Variants in RNF220 observed in about 807,000 individuals in gnomAD.
RNF220 encodes ring finger protein 220, also known as E3 ubiquitin-protein ligase RNF220.
RNF220 carries 7 observed loss-of-function variants against 67.1 expected under a neutral mutation model. The observed-to-expected ratio is 0.10, with a 90% CI of 0.06 to 0.20. The LOEUF (loss-of-function observed/expected upper bound fraction) is 0.20, where lower values mean the gene tolerates loss of function less well. Ranked by LOEUF, RNF220 falls within the 10% of genes least tolerant of loss-of-function variation. The pLI is 1.00. For synonymous variants in RNF220, 270 were observed against 283.2 expected (o/e 0.95, Z 0.47); for missense variants, 565 against 740.3 (o/e 0.76, Z 2.75).
intron 2 of RNF220, among the ~76,000 whole-genome samples, chr1:44,439,754 T>A (rs1383407394): frequency 6.6e-6 from 1 of 152,092 alleles, no homozygotes; most frequent in Non-Finnish European, 1.5e-5. Flanking sequence ...AGTCCCCAGT[T>A]TTGGAAAAAA....
intron 2 of RNF220, among the ~76,000 whole-genome samples, chr1:44,466,639 A>C (rs1654295670): frequency 6.6e-6 from 1 of 152,254 alleles, no homozygotes; most frequent in South Asian, 2.1e-4. Context: ...GCGGGCATGA[A>C]AACAACATTC....
chr1:44,408,462 C>T (rs913611797), intron 1 of RNF220, among the ~76,000 whole-genome samples: 11 of 152,156 alleles, frequency 7.2e-5, no homozygotes, highest in Admixed American at 3.9e-4. Context: ...ACCCCCTGGG[C>T]ATTTGGTGTG....
Position 44,649,767 on chromosome 1 carries a change from A to C in RNF220, c.1552A>C (p.Met518Leu), listed in dbSNP as rs761289656. The C allele has an allele frequency of 1.9e-6, 3 of 1,614,010 alleles. No homozygotes were observed. ...RGDRYKCLIC[M>L]DSYSMPLTSI... ...GGACCGTTACAAATGCCTCATCTGC[A>C]TGGTGAGTAGAAAAGAACCTAGGGG... The change falls in exon 13 of 15, where the codon ATG (methionine) becomes CTG (leucine). Residue 518 changes from methionine (M) to leucine (L), a missense_variant and splice_region_variant. Met to Leu is a conservative substitution (Grantham distance 15). Coordinates refer to ENST00000361799, the MANE Select transcript of RNF220 (RefSeq NM_018150.4). This position sits in a 1 kb window ranked among gnomAD's most constrained non-coding sequence, Gnocchi z 5.9.
At position 44,644,711 on chromosome 1, in the gene RNF220, C is replaced by G. The variant is rs746583462; in HGVS notation, c.1140C>G (p.Ile380Met). 1.1e-5 allele frequency: 17 copies of G among 1,613,998 alleles called. No homozygotes were observed. In the Middle Eastern group the frequency reaches 4.9e-4, roughly 47 times the overall value. ...LEGGFRGSGFIMCSGKENPDS... is the reference protein window; with the variant it reads ...LEGGFRGSGFMMCSGKENPDS... ...TGCTTCCCACAGGCTCTGGCTTCAT[C>G]ATGTGCAGCGGCAAAGAGAACCCGG... Residue 380 changes from isoleucine (I) to methionine (M), a missense_variant, in exon 9 of 15, where the codon ATC (isoleucine) becomes ATG (methionine). Transcript: ENST00000361799.
At chr1:44,480,274 G>T (rs984262620) in intron 2 of RNF220, among the ~76,000 whole-genome samples, 7 of 152,110 alleles carry the variant, frequency 4.6e-5, no homozygotes, top group Non-Finnish European at 8.8e-5. Flanking sequence ...AGGTGTGATG[G>T]TGCATGCCTG....
intron 4 of RNF220, among the ~76,000 whole-genome samples, chr1:44,623,062 G>T (rs1328182027): frequency 6.6e-6 from 1 of 152,184 alleles, no homozygotes; most frequent in Non-Finnish European, 1.5e-5. Context: ...AGAATGGCCT[G>T]GGAGATGTGG....
chr1:44,649,477 G>C lies in RNF220; in HGVS notation c.1446-184G>C, dbSNP rs3738733. ...TCATCCGAATGGGAATGGAGGAATAGAGAGGGTGAGGAGTTTAGTTCTGGA... is the reference window on the plus strand; with the variant it reads ...TCATCCGAATGGGAATGGAGGAATACAGAGGGTGAGGAGTTTAGTTCTGGA... On this transcript the variant is annotated intron_variant, in intron 12 of 14. Coordinates refer to ENST00000361799, the MANE Select transcript of RNF220 (RefSeq NM_018150.4). The surrounding 1 kb of genome is among the most constrained non-coding windows in gnomAD (Gnocchi z 5.9). 0.021 allele frequency: 13,089 copies of C among 612,828 alleles called. 434 individuals carry two copies. The highest frequency in any genetic ancestry group is 0.087 in the Admixed American group (3,057 of 34,992). 38.0% of individuals were successfully genotyped at this position (612,828 alleles called of 1,614,324 possible).
chr1:44,515,389 T>C (rs76631221), intron 2 of RNF220, among the ~76,000 whole-genome samples: 4,720 of 152,272 alleles, frequency 0.031, 211 homozygotes, highest in East Asian at 0.1. Context: ...TGGTGATTAT[T>C]GTGTTAGGTA....
At chr1:44,436,712 C>T (rs1463303668) in intron 2 of RNF220, among the ~76,000 whole-genome samples, 3 of 152,152 alleles carry the variant, frequency 2.0e-5, no homozygotes, top group East Asian at 1.9e-4. Flanking sequence ...TGATGAGATG[C>T]GTGCAAATGA....
intron 2 of RNF220, among the ~76,000 whole-genome samples, chr1:44,535,315 A>G (rs1471217092): frequency 6.6e-6 from 1 of 151,620 alleles, no homozygotes; most frequent in East Asian, 1.9e-4. Context: ...TGATTTTTGT[A>G]TTTTTAGTAG....
chr1:44,622,664 G>A lies in RNF220; in HGVS notation c.759-78G>A. 7.6e-7 allele frequency: 1 copy of A among 1,312,866 alleles called. No individual in the cohort carries two copies. Among genetic ancestry groups the A allele is most frequent in the East Asian group, 2.3e-5 (1 of 43,258 alleles). The allele number at this position is 1,312,866 out of a possible 1,614,324, so 81.3% of individuals were successfully genotyped here. ...GCGGTCTATGCCTTCTCTGTCTTTG[G>A]GGTCTTCTTGCTACTCTACCGTTGC... On this transcript the variant is annotated intron_variant, in intron 3 of 14. Coordinates refer to ENST00000361799, the MANE Select transcript of RNF220 (RefSeq NM_018150.4). This position sits in a 1 kb window ranked among gnomAD's most constrained non-coding sequence, Gnocchi z 4.3.
intron 2 of RNF220, among the ~76,000 whole-genome samples, chr1:44,447,272 C>T (rs1652199611): frequency 6.6e-6 from 1 of 152,198 alleles, no homozygotes; most frequent in African/African-American, 2.4e-5. Flanking sequence ...CCCTGTGATC[C>T]TGAGCTAGTT....
Position 44,581,542 on chromosome 1 carries a change from G to C in RNF220, c.626-32623G>C, listed in dbSNP as rs568413770. 3.3e-5 allele frequency among the ~76,000 whole-genome samples: 5 copies of C among 152,350 alleles called. No individual in the cohort carries two copies. In the East Asian group the frequency reaches 7.7e-4, roughly 24 times the overall value. ...CTGGCCAGGCAACCATGGCTTTCAGGTCTGGAGTGCATGGGAAACGGAAAG... is the reference window on the plus strand; with the variant it reads ...CTGGCCAGGCAACCATGGCTTTCAGCTCTGGAGTGCATGGGAAACGGAAAG... On this transcript the variant is annotated intron_variant, in intron 2 of 14. Transcript: ENST00000361799.
At chr1:44,642,846 T>C (rs960218991) in intron 8 of RNF220, among the ~76,000 whole-genome samples, 2 of 152,070 alleles carry the variant, frequency 1.3e-5, no homozygotes, top group African/African-American at 4.8e-5. Flanking sequence ...CTGAGCTGCG[T>C]GTACTTGGGG....
chr1:44,501,830 T>C (rs1458605903), intron 2 of RNF220, among the ~76,000 whole-genome samples: 4 of 152,032 alleles, frequency 2.6e-5, no homozygotes, highest in African/African-American at 9.7e-5. Context: ...TTCTCCGCTC[T>C]TACCCTCTGC....
At chr1:44,477,184 G>T (rs1382210751) in intron 2 of RNF220, among the ~76,000 whole-genome samples, 1 of 152,172 alleles carries the variant, frequency 6.6e-6, no homozygotes, top group Non-Finnish European at 1.5e-5. Flanking sequence ...CTTTCATTCA[G>T]TAAATATTTA....
intron 2 of RNF220, among the ~76,000 whole-genome samples, chr1:44,533,488 GA>G: frequency 6.6e-6 from 1 of 152,166 alleles, no homozygotes; most frequent in African/African-American, 2.4e-5. Flanking sequence ...CCCCGTCTCA[GA>G]AAAAATAAAA....
chr1:44,623,950 A>T (rs902772804), intron 4 of RNF220, among the ~76,000 whole-genome samples: 1 of 152,206 alleles, frequency 6.6e-6, no homozygotes, highest in African/African-American at 2.4e-5. Context: ...CAGTTTTGGG[A>T]AAGGAGCCAG....
chr1:44,636,990 C>G (rs1231604667), intron 8 of RNF220, among the ~76,000 whole-genome samples: 1 of 152,266 alleles, frequency 6.6e-6, no homozygotes, highest in Non-Finnish European at 1.5e-5. Context: ...CAGCTCTTCT[C>G]TCTTTCTGTG....
Sources: gnomAD v4.1 joint callset for allele counts (sites outside exome capture counted in the v4.1 genomes callset) on GRCh38, gnomAD v4.1.1 for gene constraint, Gnocchi (gnomAD v3.1) non-coding constraint, MANE v1.5 for transcripts, NCBI Gene and HGNC (gene_info 2026-07-23, HGNC 2026-07-21) for gene names.